Variants in DLG2 observed in about 807,000 individuals in gnomAD.
DLG2 encodes disks large homolog 2.
In DLG2, 45 loss-of-function variants were observed where a neutral mutation model predicts 132.5. That is an observed-to-expected ratio of 0.34 (90% CI 0.27 to 0.44). The LOEUF is 0.44. Ranked by LOEUF, DLG2 falls within the 20% of genes least tolerant of loss-of-function variation. DLG2 has a pLI of 1.00. For missense variants in DLG2, 1,045 were observed against 1,196.9 expected (o/e 0.87, Z 1.87); for synonymous variants, 424 against 419.6 (o/e 1.01, Z -0.13).
chr11:85,166,725 A>G (rs1004453307), intron 4 of DLG2, among the ~76,000 whole-genome samples: 1 of 152,188 alleles, frequency 6.6e-6, no homozygotes. Flanking sequence ...TCTTCAACAC[A>G]GTAAGTTTAT....
intron 6 of DLG2, among the ~76,000 whole-genome samples, chr11:84,851,413 C>T (rs1278142509): frequency 6.6e-6 from 1 of 152,052 alleles, no homozygotes; most frequent in Non-Finnish European, 1.5e-5. Context: ...ACATATGGTT[C>T]TCTCAGTTCC....
At chr11:83,686,714 C>T (rs935951514) in intron 18 of DLG2, among the ~76,000 whole-genome samples, 13 of 152,124 alleles carry the variant, frequency 8.5e-5, no homozygotes, top group African/African-American at 2.9e-4. Flanking sequence ...TTTTTAAAAA[C>T]AAACAACCCT....
At chr11:83,828,328 G>C (rs1328201378) in intron 17 of DLG2, among the ~76,000 whole-genome samples, 1 of 152,162 alleles carries the variant, frequency 6.6e-6, no homozygotes, top group Non-Finnish European at 1.5e-5. Flanking sequence ...AGAAGGCAGA[G>C]GTTGCAGTGA....
chr11:84,428,924 G>T (rs1454672099), intron 7 of DLG2, among the ~76,000 whole-genome samples: 4 of 152,198 alleles, frequency 2.6e-5, no homozygotes, highest in African/African-American at 7.2e-5. Flanking sequence ...GGCTGAAGAA[G>T]ACTCTGGCTT....
chr11:84,449,522 T>C (rs2099045259), intron 7 of DLG2, among the ~76,000 whole-genome samples: 1 of 151,814 alleles, frequency 6.6e-6, no homozygotes, highest in Admixed American at 6.6e-5. Flanking sequence ...ACTGAATTGT[T>C]AGTTGTATTC....
At chr11:83,530,411 T>C (rs1235452933) in intron 21 of DLG2, among the ~76,000 whole-genome samples, 2 of 149,430 alleles carry the variant, frequency 1.3e-5, no homozygotes, top group Admixed American at 1.3e-4. Context: ...AAATTATAGC[T>C]TTTTTTTTTC....
At chr11:85,118,904 T>C (rs1345460846) in intron 5 of DLG2, among the ~76,000 whole-genome samples, 1 of 151,720 alleles carries the variant, frequency 6.6e-6, no homozygotes, top group Non-Finnish European at 1.5e-5. Flanking sequence ...TTATAATATA[T>C]ATAACATATA....
intron 10 of DLG2, among the ~76,000 whole-genome samples, chr11:84,090,008 T>A (rs1005819488): frequency 6.6e-6 from 1 of 152,230 alleles, no homozygotes; most frequent in African/African-American, 2.4e-5. Flanking sequence ...ACAGAGGGCA[T>A]TTTTATAATT....
At chr11:85,223,311 A>C (rs2074773496) in intron 4 of DLG2, among the ~76,000 whole-genome samples, 1 of 152,058 alleles carries the variant, frequency 6.6e-6, no homozygotes, top group South Asian at 2.1e-4. Context: ...GTGATATCCA[A>C]AACAAAAACA....
At chr11:84,582,868 T>G (rs1345170196) in intron 6 of DLG2, among the ~76,000 whole-genome samples, 1 of 152,206 alleles carries the variant, frequency 6.6e-6, no homozygotes, top group African/African-American at 2.4e-5. Context: ...ATCTTATCCT[T>G]GCAGGTTAGT....
chr11:84,060,116 C>A (rs1485841193), intron 10 of DLG2, among the ~76,000 whole-genome samples: 2 of 152,042 alleles, frequency 1.3e-5, no homozygotes, highest in Admixed American at 1.3e-4. Flanking sequence ...GGTTCGAGAC[C>A]AGCCTGACCA....
intron 19 of DLG2, among the ~76,000 whole-genome samples, chr11:83,603,973 A>G (rs1042336871): frequency 6.6e-6 from 1 of 152,130 alleles, no homozygotes; most frequent in African/African-American, 2.4e-5. Flanking sequence ...AAGATCCCAA[A>G]GGTTTTTATT....
chr11:85,150,223 T>A (rs1319335949), intron 5 of DLG2, among the ~76,000 whole-genome samples: 3 of 151,928 alleles, frequency 2.0e-5, no homozygotes, highest in Non-Finnish European at 4.4e-5. Flanking sequence ...GGTTTCACCG[T>A]GTTAGCCAGG....
intron 3 of DLG2, among the ~76,000 whole-genome samples, chr11:85,406,902 G>A (rs1272000022): frequency 6.6e-6 from 1 of 151,904 alleles, no homozygotes; most frequent in Non-Finnish European, 1.5e-5. Context: ...ACAAGCCCAA[G>A]GGAAATGCAT....
At chr11:83,659,123 T>C (rs954789565) in intron 18 of DLG2, among the ~76,000 whole-genome samples, 8 of 152,246 alleles carry the variant, frequency 5.3e-5, no homozygotes, top group East Asian at 1.9e-4. Context: ...ACAATGATTA[T>C]GGGATAACAG....
intron 3 of DLG2, among the ~76,000 whole-genome samples, chr11:85,401,347 T>C (rs999854712): frequency 6.6e-6 from 1 of 152,034 alleles, no homozygotes; most frequent in Non-Finnish European, 1.5e-5. Flanking sequence ...CTCAAAATAA[T>C]AAGAGTTATT....
At chr11:83,704,654 TAA>T (rs769615246) in intron 18 of DLG2, among the ~76,000 whole-genome samples, 19 of 105,956 alleles carry the variant, frequency 1.8e-4, no homozygotes, top group African/African-American at 1.8e-4. Flanking sequence ...CCGTCTCTAC[TAA>T]AAAAAAAAAA....
chr11:85,389,852 C>A (rs529375036), intron 3 of DLG2, among the ~76,000 whole-genome samples: 15 of 152,118 alleles, frequency 9.9e-5, no homozygotes, highest in Non-Finnish European at 1.5e-4. Flanking sequence ...ATAAGAATTA[C>A]TAAAAGGAGC....
chr11:84,964,115 AT>A (rs1313742976), intron 6 of DLG2, among the ~76,000 whole-genome samples: 1 of 152,158 alleles, frequency 6.6e-6, no homozygotes, highest in African/African-American at 2.4e-5. Context: ...GCCTAACTTC[AT>A]TATTAATTTA....
Sources: allele counts gnomAD v4.1 joint callset (sites outside exome capture counted in the v4.1 genomes callset), GRCh38; gene constraint gnomAD v4.1.1; transcripts MANE v1.5; gene names NCBI Gene and HGNC (gene_info 2026-07-23, HGNC 2026-07-21).